Variants in ATG7 observed in about 807,000 individuals in gnomAD.
ATG7 encodes ubiquitin-like modifier-activating enzyme ATG7.
Under a neutral mutation model 82.4 loss-of-function variants are expected in ATG7, and 70 were observed. The ratio of observed to expected loss-of-function variants is 0.85; its 90% confidence interval spans 0.70 to 1.04. ATG7 has a LOEUF of 1.04. Among genes scored for constraint, ATG7 ranks in the 50% least tolerant of loss-of-function variants. The pLI is 0.00. For synonymous variants in ATG7, 287 were observed against 313.0 expected (o/e 0.92, Z 0.88); for missense variants, 792 against 864.3 (o/e 0.92, Z 1.05).
downstream of ATG7, among the ~76,000 whole-genome samples, chr3:11,562,002 CGAT>C (rs1181479846): frequency 1.3e-5 from 2 of 149,936 alleles, no homozygotes; most frequent in Non-Finnish European, 1.5e-5. Flanking sequence ...CGGGTTCAAG[CGAT>C]TCTCCTGTCA....
rs2076014265 is a variant in ATG7 at position 11,357,621 on chromosome 3, A to G, written c.1285-797A>G. 2.6e-5 allele frequency among the ~76,000 whole-genome samples: 4 copies of G among 152,320 alleles called. No homozygotes were observed. In the South Asian group the frequency reaches 8.3e-4, roughly 32 times the overall value. On this transcript the variant is annotated intron_variant, in intron 14 of 20. Coordinates refer to ENST00000693202, the MANE Select transcript of ATG7 (RefSeq NM_001349232.2). The stretch of plus-strand genomic sequence containing the variant: ...TTATGTGAATGTATTAAATCAAATT[A>G]TATTTGCTAGAACACTCCATATGGA...
intron 20 of ATG7, among the ~76,000 whole-genome samples, chr3:11,476,541 C>T (rs1210737684): frequency 6.6e-6 from 1 of 151,390 alleles, no homozygotes; most frequent in African/African-American, 2.4e-5. Context: ...AGAGTCCTGG[C>T]CTGAAAAGTG....
intron 18 of ATG7, among the ~76,000 whole-genome samples, chr3:11,375,746 G>C (rs1481549454): frequency 6.6e-6 from 1 of 152,186 alleles, no homozygotes; most frequent in East Asian, 1.9e-4. Context: ...TTTTACTAGA[G>C]ATGGGGTTTC....
rs534704542 is a variant in ATG7 at position 11,281,019 on chromosome 3, G to C, written c.-340G>C. On this transcript the variant is annotated 5_prime_UTR_variant, in exon 2 of 21. Transcript: ENST00000693202. ...GATCCAATTCCTGTATCTTCACCTT[G>C]TCTACCGGGATTTCTAGAGCAGCCT... 1 of 152,138 alleles carries C rather than the reference G, an allele frequency of 6.6e-6. No individual in the cohort carries two copies. The highest frequency in any genetic ancestry group is 1.9e-4 in the East Asian group (1 of 5,198). The allele number at this position is 152,138 out of a possible 1,614,324, so 9.4% of individuals were successfully genotyped here. A position where few individuals can be genotyped will look rare whatever the true frequency, so the allele number is the denominator to read the frequency against.
At chr3:11,440,018 G>T (rs545867037) in intron 20 of ATG7, among the ~76,000 whole-genome samples, 1 of 152,322 alleles carries the variant, frequency 6.6e-6, no homozygotes, top group East Asian at 1.9e-4. Context: ...GAATCAGAGA[G>T]GAAGAAGTGC....
the ATG7 span, among the ~76,000 whole-genome samples, chr3:11,568,214 G>C: frequency 6.6e-6 from 1 of 152,182 alleles, no homozygotes; most frequent in Non-Finnish European, 1.5e-5. The surrounding 1 kb of genome is among the most constrained non-coding windows in gnomAD (Gnocchi z 5.9). Context: ...CCAAAGTCGT[G>C]GTACATAAGG....
chr3:11,503,922 T>C (rs765724779), intron 20 of ATG7, among the ~76,000 whole-genome samples: 2 of 151,794 alleles, frequency 1.3e-5, no homozygotes, highest in Non-Finnish European at 2.9e-5. Flanking sequence ...GATGAAAAGA[T>C]GGATCAGGCT....
chr3:11,432,816 C>T (rs904483010), intron 20 of ATG7, among the ~76,000 whole-genome samples: 35 of 152,238 alleles, frequency 2.3e-4, no homozygotes, highest in African/African-American at 8.4e-4. Context: ...AAAGCTCTGA[C>T]CTTTACTTCC....
intron 20 of ATG7, among the ~76,000 whole-genome samples, chr3:11,541,127 C>T (rs2070797150): frequency 6.6e-6 from 1 of 152,150 alleles, no homozygotes; most frequent in South Asian, 2.1e-4. Flanking sequence ...GTCTCGATCT[C>T]CTGACTTCGT....
intron 19 of ATG7, among the ~76,000 whole-genome samples, chr3:11,395,936 T>A (rs1425015046): frequency 2.7e-5 from 2 of 73,852 alleles, no homozygotes; most frequent in Non-Finnish European, 4.5e-5. Flanking sequence ...CGAGACTCTG[T>A]CTCAAAAAAA....
At chr3:11,345,759 TTTATC>T (rs1380049659) in intron 13 of ATG7, among the ~76,000 whole-genome samples, 3 of 152,126 alleles carry the variant, frequency 2.0e-5, no homozygotes, top group African/African-American at 4.8e-5. Context: ...AATATCTACT[TTTATC>T]TTTATTAATT....
At chr3:11,476,063 C>G (rs2088176129) in intron 20 of ATG7, among the ~76,000 whole-genome samples, 1 of 152,164 alleles carries the variant, frequency 6.6e-6, no homozygotes, top group South Asian at 2.1e-4. Context: ...ATCACAGCTT[C>G]CCAAGGACTA....
chr3:11,396,118 G>GGAAA (rs10664708), intron 19 of ATG7, among the ~76,000 whole-genome samples: 1 of 144,422 alleles, frequency 6.9e-6, no homozygotes, highest in Admixed American at 6.9e-5. Context: ...AGAAGTATAG[G>GGAAA]AAAAAAAAAA....
rs779323719 is a variant in ATG7 at position 11,554,885 on chromosome 3, TGAG to T, written c.*46_*48del. 6 of 1,605,166 alleles carry T rather than the reference TGAG, an allele frequency of 3.7e-6. No homozygotes were observed. The highest frequency in any genetic ancestry group is 2.2e-5 in the East Asian group (1 of 44,732). ...GGCTGACTTCTCCCCGGCCGCCTGC[TGAG>T]GAGCTCTCCATCGCCAGAGCAGGAC... On this transcript the variant is annotated 3_prime_UTR_variant, in exon 21 of 21. Transcript: ENST00000693202.
chr3:11,331,075 G>A (rs948216894), intron 9 of ATG7, among the ~76,000 whole-genome samples: 1 of 151,650 alleles, frequency 6.6e-6, no homozygotes. Context: ...TTCCTTCTAC[G>A]TGTATTTAGC....
In ATG7 at chr3:11,529,362, C is replaced by T. The variant is rs370940788; in HGVS notation, c.2080-25449C>T. 8.7e-4 allele frequency: 132 copies of T among 152,324 alleles called. 1 individual carries two copies. Among genetic ancestry groups the T allele is most frequent in the African/African-American group, 3.2e-3 (131 of 41,574 alleles). The allele number at this position is 152,324 out of a possible 1,614,324, so 9.4% of individuals were successfully genotyped here. A position where few individuals can be genotyped will look rare whatever the true frequency, so the allele number is the denominator to read the frequency against. On this transcript the variant is annotated intron_variant, in intron 20 of 20. Coordinates refer to ENST00000693202, the MANE Select transcript of ATG7 (RefSeq NM_001349232.2). ...AACACAAGAGAAGCTGCTTGCCCCT[C>T]CTACCACAAGCAGTAAAGCCTATAG...
chr3:11,422,769 T>TTTTTTTTTTTTTTTTTTG (rs1386943052), intron 19 of ATG7, among the ~76,000 whole-genome samples: 3 of 102,626 alleles, frequency 2.9e-5, no homozygotes, highest in African/African-American at 1.2e-4. Context: ...TTTTTTTTTT[T>TTTTTTTTTTTTTTTTTTG]GGAGACAGAG....
intron 20 of ATG7, among the ~76,000 whole-genome samples, chr3:11,544,752 C>T (rs1031958390): frequency 6.6e-6 from 1 of 152,226 alleles, no homozygotes; most frequent in Non-Finnish European, 1.5e-5. Flanking sequence ...CCAAAAATCC[C>T]CCTTTCTTTT....
intron 20 of ATG7, among the ~76,000 whole-genome samples, chr3:11,493,177 G>GAGC (rs1487983076): frequency 3.3e-5 from 5 of 152,110 alleles, no homozygotes; most frequent in African/African-American, 1.2e-4. Context: ...GTGGAGAGGG[G>GAGC]AGCTGGAAAG....
Sources: gnomAD v4.1 joint callset for allele counts (sites outside exome capture counted in the v4.1 genomes callset) on GRCh38, gnomAD v4.1.1 for gene constraint, Gnocchi (gnomAD v3.1) non-coding constraint, MANE v1.5 for transcripts, NCBI Gene and HGNC (gene_info 2026-07-23, HGNC 2026-07-21) for gene names.